MCF2: variants seen among roughly 807,000 people sequenced by gnomAD.
MCF2 encodes the protein MCF.2 cell line derived transforming sequence, also known as proto-oncogene DBL.
MCF2 carries 44 observed loss-of-function variants against 82.5 expected under a neutral mutation model. The ratio of observed to expected loss-of-function variants is 0.53; its 90% CI spans 0.42 to 0.69. The LOEUF is 0.69. Ranked by LOEUF, MCF2 falls within the 30% of genes least tolerant of loss-of-function variation. The pLI is 0.00. For missense variants in MCF2, 623 were observed against 663.1 expected, an observed-to-expected ratio of 0.94 and a Z score of 0.66; for synonymous variants, 217 against 224.9, an observed-to-expected ratio of 0.96 and a Z score of 0.32.
intron 1 of MCF2, among the ~76,000 whole-genome samples, chrX:139,653,275 G>A (rs973236063): frequency 8.9e-6 from 1 of 112,008 alleles, no homozygotes; most frequent in Non-Finnish European, 1.9e-5. Flanking sequence ...TTTCTCCCCT[G>A]AGGAGCCTGC....
At chrX:139,639,940 T>TTA (rs200452750) in intron 1 of MCF2, among the ~76,000 whole-genome samples, 1 of 68,780 alleles carries the variant, frequency 1.5e-5, no homozygotes, top group African/African-American at 3.9e-5. Flanking sequence ...GTCAGACTTC[T>TTA]TATATATATA....
At chrX:139,615,861 A>T (rs948510393) in intron 9 of MCF2, among the ~76,000 whole-genome samples, 1 of 111,546 alleles carries the variant, frequency 9.0e-6, no homozygotes, top group Non-Finnish European at 1.9e-5. Flanking sequence ...TTATGCTTTC[A>T]TTCTCAAACT....
chrX:139,644,236 C>A (rs1325105596), upstream of MCF2, among the ~76,000 whole-genome samples: 2 of 112,054 alleles, frequency 1.8e-5, no homozygotes, highest in Non-Finnish European at 3.8e-5. Flanking sequence ...CTTGACATTT[C>A]AATTCTTGCT....
At chrX:139,607,914 T>C in intron 11 of MCF2, 135 bp from the exon 16 acceptor site, 1 of 437,289 alleles carries the variant, frequency 2.3e-6, no homozygotes, top group Admixed American at 4.5e-5. Flanking sequence ...ATGATTTTTT[T>C]CAAAATAACT....
intron 11 of MCF2, among the ~76,000 whole-genome samples, chrX:139,609,057 T>C (rs1603283613): frequency 8.9e-6 from 1 of 112,514 alleles, no homozygotes; most frequent in Middle Eastern, 4.6e-3. Flanking sequence ...GATGAGAGTG[T>C]TCTATTTTTA....
intron 20 of MCF2, 35 bp downstream of exon 24, chrX:139,589,800 G>A (rs1167952492): frequency 2.0e-6 from 2 of 995,681 alleles, no homozygotes; most frequent in Non-Finnish European, 2.8e-6. Flanking sequence ...TTCAATGCAG[G>A]TTTGGGTTTC....
exon 10 of MCF2, chrX:139,615,012 C>T (rs368001722): frequency 1.7e-5 from 20 of 1,208,852 alleles, no homozygotes; most frequent in Non-Finnish European, 2.2e-5. Context: ...AAATATACTT[C>T]GAATGTTTTC....
chrX:139,615,506 C>A (rs1160797470), intron 9 of MCF2, among the ~76,000 whole-genome samples: 2 of 111,901 alleles, frequency 1.8e-5, no homozygotes, highest in South Asian at 7.4e-4. Context: ...CTCAGAGCCA[C>A]CAATGGATAA....
At chrX:139,644,461 A>C, upstream of MCF2, among the ~76,000 whole-genome samples, 1 of 112,409 alleles carries the variant, frequency 8.9e-6, no homozygotes, top group East Asian at 2.8e-4. Context: ...ATTTTCTTCT[A>C]TTTTATTTTA....
intron 24 of MCF2, among the ~76,000 whole-genome samples, chrX:139,584,694 T>G (rs188662885): frequency 8.9e-6 from 1 of 112,123 alleles, no homozygotes; most frequent in Non-Finnish European, 1.9e-5. Context: ...CTTTATTTTC[T>G]AATCTGGAAT....
chrX:139,651,733 G>T, exon 2 of MCF2: 8 of 1,158,785 alleles, frequency 6.9e-6, no homozygotes, highest in Non-Finnish European at 9.3e-6. Flanking sequence ...ACAAGAAGGC[G>T]ATGTCTTGCA....
intron 8 of MCF2, 40 bp from the exon 12 acceptor site, chrX:139,616,513 T>G (rs1426610724): frequency 1.5e-5 from 12 of 824,410 alleles, no homozygotes; most frequent in Non-Finnish European, 2.0e-5. Flanking sequence ...AAATATGAAT[T>G]AATAAAGAGA....
At chrX:139,707,071 G>A (rs921661809) in intron 1 of MCF2, among the ~76,000 whole-genome samples, 1 of 110,238 alleles carries the variant, frequency 9.1e-6, no homozygotes, top group Non-Finnish European at 1.9e-5. Flanking sequence ...GCAGCTAGCC[G>A]GCAGAGTAAC....
At chrX:139,649,514 C>G (rs2148523872) in intron 2 of MCF2, among the ~76,000 whole-genome samples, 1 of 111,682 alleles carries the variant, frequency 9.0e-6, no homozygotes, top group Non-Finnish European at 1.9e-5. Flanking sequence ...AGGACAGAAC[C>G]ATCTAGCACT....
intron 1 of MCF2, among the ~76,000 whole-genome samples, chrX:139,656,923 G>A (rs1934217210): frequency 8.9e-6 from 1 of 112,029 alleles, no homozygotes; most frequent in Non-Finnish European, 1.9e-5. Flanking sequence ...CTAGATTTAC[G>A]TTTGATAGGA....
At chrX:139,692,437 C>T (rs1935294850) in intron 1 of MCF2, among the ~76,000 whole-genome samples, 1 of 111,454 alleles carries the variant, frequency 9.0e-6, no homozygotes, top group African/African-American at 3.3e-5. Flanking sequence ...CGCTCTGGCC[C>T]CCGCCGCTGC....
At chrX:139,629,952 T>C (rs1292835634) in intron 3 of MCF2, 108 bp from the exon 7 acceptor site, 1 of 562,850 alleles carries the variant, frequency 1.8e-6, no homozygotes, top group Non-Finnish European at 2.9e-6. Context: ...GGCAAACACA[T>C]ATACTATGAA....
chrX:139,626,735 T>C (rs767855478), exon 5 of MCF2: 1 of 1,207,515 alleles, frequency 8.3e-7, no homozygotes, highest in East Asian at 3.0e-5. Context: ...TTTCCTTCTT[T>C]GGTTACAGCT....
chrX:139,599,586 A>G (rs976868408), intron 16 of MCF2, among the ~76,000 whole-genome samples: 2 of 111,031 alleles, frequency 1.8e-5, no homozygotes, highest in African/African-American at 6.5e-5. Context: ...AGTACCTCTG[A>G]AAGTGGGAGG....
Sources: allele counts gnomAD v4.1 joint callset (sites outside exome capture counted in the v4.1 genomes callset), GRCh38; gene constraint gnomAD v4.1.1; transcripts MANE v1.5; gene names NCBI Gene and HGNC (gene_info 2026-07-23, HGNC 2026-07-21).